TNFSF4: variants seen among roughly 807,000 people sequenced by gnomAD.
TNFSF4 encodes TNF superfamily member 4.
A neutral mutation model predicts 7.3 loss-of-function variants in TNFSF4; 4 were observed. The observed-to-expected ratio is 0.55, with a 90% CI of 0.27 to 1.25. The LOEUF (loss-of-function observed/expected upper bound fraction) is 1.25, where lower values mean the gene tolerates loss of function less well. Among genes scored for constraint, TNFSF4 ranks in the 50% most tolerant of loss-of-function variants. The probability of loss-of-function intolerance (pLI) is 0.12; values close to 1 mark genes in which losing one functional copy is unlikely to be tolerated. For synonymous variants in TNFSF4, 76 were observed against 83.7 expected (o/e 0.91, Z 0.50); for missense variants, 181 against 208.8 (o/e 0.87, Z 0.82).
the TNFSF4 span, chr1:173,362,801 T>C: frequency 2.4e-6 from 1 of 424,424 alleles, no homozygotes; most frequent in Admixed American, 2.9e-5. Flanking sequence ...AAAGCTTTAC[T>C]GTGTTGCTTC....
chr1:173,247,751 G>A, the TNFSF4 span, among the ~76,000 whole-genome samples: 2 of 152,122 alleles, frequency 1.3e-5, no homozygotes, highest in Non-Finnish European at 2.9e-5. Flanking sequence ...GATCCTACTT[G>A]TCATTCAAAT....
chr1:173,257,632 AC>A, the TNFSF4 span, among the ~76,000 whole-genome samples: 1 of 152,248 alleles, frequency 6.6e-6, no homozygotes, highest in Non-Finnish European at 1.5e-5. Flanking sequence ...ACAAATTAGA[AC>A]CGGCCAAAGG....
the TNFSF4 span, among the ~76,000 whole-genome samples, chr1:173,227,484 T>C: frequency 6.6e-6 from 1 of 152,150 alleles, no homozygotes; most frequent in African/African-American, 2.4e-5. Context: ...AGTCTACAGC[T>C]CCCAGCATGA....
At chr1:173,194,923 T>G (rs965394843) in intron 1 of TNFSF4, among the ~76,000 whole-genome samples, 2 of 151,256 alleles carry the variant, frequency 1.3e-5, no homozygotes, top group African/African-American at 4.8e-5. Context: ...TAAAACCTTA[T>G]TGAGTACTTA....
the TNFSF4 span, among the ~76,000 whole-genome samples, chr1:173,383,477 CT>C: frequency 2.0e-5 from 3 of 152,158 alleles, no homozygotes; most frequent in African/African-American, 7.2e-5. Flanking sequence ...GCTGATATGT[CT>C]GTCTGTGGTT....
At chr1:173,241,057 T>C in the TNFSF4 span, among the ~76,000 whole-genome samples, 4 of 152,212 alleles carry the variant, frequency 2.6e-5, no homozygotes, top group Admixed American at 6.5e-5. Context: ...TTTTACCTTC[T>C]AGCCATCTAT....
the TNFSF4 span, among the ~76,000 whole-genome samples, chr1:173,221,808 T>C: frequency 3.3e-5 from 5 of 152,226 alleles, no homozygotes; most frequent in African/African-American, 1.2e-4. Flanking sequence ...TTTTATGTGA[T>C]ATTTTTCTTT....
At chr1:173,425,500 G>A in the TNFSF4 span, among the ~76,000 whole-genome samples, 1 of 152,162 alleles carries the variant, frequency 6.6e-6, no homozygotes, top group East Asian at 1.9e-4. Context: ...TGTTAGATGA[G>A]GTAAATAATG....
the TNFSF4 span, among the ~76,000 whole-genome samples, chr1:173,321,792 C>T: frequency 6.6e-5 from 10 of 152,090 alleles, no homozygotes; most frequent in Admixed American, 5.2e-4. Context: ...GTCAGAAAGG[C>T]GATTATTAAA....
chr1:173,295,801 C>G, the TNFSF4 span, among the ~76,000 whole-genome samples: 4 of 152,018 alleles, frequency 2.6e-5, no homozygotes, highest in Non-Finnish European at 4.4e-5. Context: ...TTTCTTAAAG[C>G]ATCACTGATT....
upstream of TNFSF4, among the ~76,000 whole-genome samples, chr1:173,209,435 A>T (rs1650303602): frequency 1.3e-5 from 2 of 152,210 alleles, no homozygotes; most frequent in Admixed American, 1.3e-4. Flanking sequence ...GTTTTTCAAA[A>T]AATAAAGCTT....
At chr1:173,362,866 T>G in the TNFSF4 span, 1 of 469,028 alleles carries the variant, frequency 2.1e-6, no homozygotes, top group Non-Finnish European at 4.2e-6. Context: ...TGGCTAAGAC[T>G]TGTGGACTTC....
the TNFSF4 span, among the ~76,000 whole-genome samples, chr1:173,388,053 A>C: frequency 1.3e-5 from 2 of 152,242 alleles, no homozygotes; most frequent in African/African-American, 4.8e-5. Flanking sequence ...AGAAAATAAT[A>C]GCACCTTTCA....
the TNFSF4 span, among the ~76,000 whole-genome samples, chr1:173,371,009 G>A: frequency 1.3e-5 from 2 of 152,222 alleles, no homozygotes; most frequent in South Asian, 4.1e-4. Context: ...AGACTGCAAT[G>A]GTTCTCTGGG....
At chr1:173,212,622 G>A in the TNFSF4 span, among the ~76,000 whole-genome samples, 3 of 151,150 alleles carry the variant, frequency 2.0e-5, no homozygotes, top group Non-Finnish European at 4.4e-5. Context: ...CTATTTGGTA[G>A]CACAATAGGG....
At chr1:173,187,732 T>TG (rs756781337) in intron 2 of TNFSF4, among the ~76,000 whole-genome samples, 274 of 152,320 alleles carry the variant, frequency 1.8e-3, no homozygotes, top group Non-Finnish European at 2.4e-3. Flanking sequence ...GGTTGTTTTG[T>TG]GCAGGGCCAT....
At chr1:173,312,600 A>C in the TNFSF4 span, among the ~76,000 whole-genome samples, 1 of 152,128 alleles carries the variant, frequency 6.6e-6, no homozygotes, top group Non-Finnish European at 1.5e-5. Context: ...GAAGCCAAAT[A>C]GATTTCCTAA....
the TNFSF4 span, among the ~76,000 whole-genome samples, chr1:173,343,463 G>T: frequency 6.6e-6 from 1 of 152,190 alleles, no homozygotes; most frequent in Non-Finnish European, 1.5e-5. Flanking sequence ...GGAACATGGA[G>T]AAAAATAGAA....
At chr1:173,402,496 A>C in the TNFSF4 span, among the ~76,000 whole-genome samples, 1 of 152,180 alleles carries the variant, frequency 6.6e-6, no homozygotes, top group African/African-American at 2.4e-5. Context: ...CACCTGACCT[A>C]ATTTTGTAAT....
Sources: gnomAD v4.1 joint callset for allele counts (sites outside exome capture counted in the v4.1 genomes callset) on GRCh38, gnomAD v4.1.1 for gene constraint, MANE v1.5 for transcripts, NCBI Gene and HGNC (gene_info 2026-07-23, HGNC 2026-07-21) for gene names.